Variants in METTL25 observed in about 807,000 individuals in gnomAD.
The protein encoded by METTL25 is probable methyltransferase-like protein 25.
METTL25 carries 64 observed loss-of-function variants against 71.6 expected under a neutral mutation model. The observed-to-expected ratio is 0.89, with a 90% confidence interval of 0.73 to 1.10. The LOEUF is 1.10. Ranked by LOEUF, METTL25 falls within the 50% of genes least tolerant of loss-of-function variation. The pLI, the probability that METTL25 is intolerant of heterozygous loss-of-function variation, is 0.00. For synonymous variants in METTL25, 287 were observed against 250.3 expected, an observed-to-expected ratio of 1.15 and a Z score of -1.38; for missense variants, 807 against 707.0, an observed-to-expected ratio of 1.14 and a Z score of -1.60.
At chr12:82,362,740 T>C (rs1882093506) in intron 1 of METTL25, among the ~76,000 whole-genome samples, 4 of 151,984 alleles carry the variant, frequency 2.6e-5, no homozygotes, top group Admixed American at 2.6e-4. Context: ...GTAAGAAAGG[T>C]GAAGGAAATT....
At chr12:82,435,935 A>G (rs1236318347) in intron 7 of METTL25, among the ~76,000 whole-genome samples, 2 of 151,438 alleles carry the variant, frequency 1.3e-5, no homozygotes, top group African/African-American at 2.4e-5. Context: ...TATAGTATGT[A>G]CTCTTACTAT....
At chr12:82,382,268 T>A (rs1398524568) in intron 1 of METTL25, among the ~76,000 whole-genome samples, 1 of 152,244 alleles carries the variant, frequency 6.6e-6, no homozygotes, top group Non-Finnish European at 1.5e-5. Flanking sequence ...CTTGAAACTC[T>A]GGGCCATGAG....
intron 5 of METTL25, among the ~76,000 whole-genome samples, chr12:82,421,939 C>T (rs1205188882): frequency 3.3e-5 from 5 of 152,074 alleles, no homozygotes; most frequent in African/African-American, 9.7e-5. Context: ...CAGGACCTGA[C>T]GGATTCACAG....
At chr12:82,411,173 A>T (rs1407305005) in intron 5 of METTL25, among the ~76,000 whole-genome samples, 1 of 152,076 alleles carries the variant, frequency 6.6e-6, no homozygotes, top group East Asian at 1.9e-4. Flanking sequence ...CACTGAAGCT[A>T]CTAAGGGTAT....
At position 82,394,272 on chromosome 12, in the gene METTL25, A is replaced by G. The variant is rs985157231; in HGVS notation, c.531+4350A>G. 2.6e-5 allele frequency among the ~76,000 whole-genome samples: 4 copies of G among 152,090 alleles called. No individual in the cohort carries two copies. The South Asian group carries it at 6.2e-4, about 24-fold the overall frequency. ...ACTTTCTGTTTGGATGATCTGTCCA[A>G]TACTGAATGGGACTGTTGAAGTCCC... On this transcript the variant is annotated intron_variant, in intron 3 of 11. Transcript: ENST00000248306.
chr12:82,366,036 T>C (rs1386059015), intron 1 of METTL25, among the ~76,000 whole-genome samples: 1 of 152,054 alleles, frequency 6.6e-6, no homozygotes. Flanking sequence ...GAGCCGAGAC[T>C]GCGCCACTGC....
intron 8 of METTL25, among the ~76,000 whole-genome samples, chr12:82,440,516 T>A (rs1399635713): frequency 6.6e-6 from 1 of 152,042 alleles, no homozygotes; most frequent in Non-Finnish European, 1.5e-5. Flanking sequence ...TGATTCTACT[T>A]TTATCATCAG....
At chr12:82,414,673 A>C (rs1887818246) in intron 5 of METTL25, among the ~76,000 whole-genome samples, 1 of 152,156 alleles carries the variant, frequency 6.6e-6, no homozygotes, top group Non-Finnish European at 1.5e-5. Flanking sequence ...GTAATATGAA[A>C]GCAAAGTTGA....
At chr12:82,465,604 A>G (rs1892178469) in intron 9 of METTL25, among the ~76,000 whole-genome samples, 1 of 151,874 alleles carries the variant, frequency 6.6e-6, no homozygotes. Flanking sequence ...TTTCAGCGTT[A>G]TGCTGACCTC....
chr12:82,466,976 C>T (rs895546233), intron 9 of METTL25, among the ~76,000 whole-genome samples: 1 of 151,640 alleles, frequency 6.6e-6, no homozygotes, highest in Non-Finnish European at 1.5e-5. Flanking sequence ...TCTGGAGAGC[C>T]ATGGCATGAT....
intron 5 of METTL25, among the ~76,000 whole-genome samples, chr12:82,406,134 G>C (rs1413929490): frequency 2.0e-5 from 3 of 152,248 alleles, no homozygotes; most frequent in African/African-American, 7.2e-5. Context: ...CATCATCAGT[G>C]CCAACTGTGT....
rs556220365 is a variant in METTL25, at chr12:82,399,104, T to A, written c.841T>A (p.Phe281Ile). The stretch of plus-strand genomic sequence containing the variant: ...GCCTACCTCAGCTATTTTGCCTGAT[T>A]TTTCTGGCTCTGTAATTTCTAATAT... Reference protein sequence around the residue: ...KMPTSAILPDFSGSVISNIRN... With the variant: ...KMPTSAILPDISGSVISNIRN... Residue 281 changes from phenylalanine to isoleucine, a missense_variant, in exon 4 of 12, where the codon TTT (phenylalanine) becomes ATT (isoleucine). Transcript: ENST00000248306. 8 of 1,613,796 alleles carry A rather than the reference T, an allele frequency of 5.0e-6. No individual in the cohort carries two copies. The highest frequency in any genetic ancestry group is 2.2e-5 in the East Asian group (1 of 44,794).
intron 1 of METTL25, among the ~76,000 whole-genome samples, chr12:82,374,615 C>G (rs150238701): frequency 6.6e-6 from 1 of 152,314 alleles, no homozygotes; most frequent in Admixed American, 6.5e-5. Context: ...AGTCCCCACC[C>G]GACCCAGAAG....
In METTL25 at chr12:82,387,234, A is replaced by G. The variant is rs559594966; in HGVS notation, c.424+267A>G. Among the ~76,000 whole-genome samples the G allele has an allele frequency of 2.0e-5, 3 of 152,172 alleles. No homozygotes were observed. The East Asian group carries it at 5.8e-4, about 29-fold the overall frequency. On this transcript the variant is annotated intron_variant, in intron 2 of 11. Coordinates refer to ENST00000248306, the MANE Select transcript of METTL25 (RefSeq NM_032230.3). ...CAGATAGTTCCTGCCCCTCAAACAC[A>G]GATCACAGTGAGCTACTACAAATTC...
chr12:82,446,561 T>C (rs1316466615), intron 8 of METTL25, among the ~76,000 whole-genome samples: 4 of 151,676 alleles, frequency 2.6e-5, no homozygotes, highest in African/African-American at 9.7e-5. Flanking sequence ...AACATGACCC[T>C]GAATGACCAA....
At chr12:82,448,549 C>G (rs1324662632) in intron 8 of METTL25, among the ~76,000 whole-genome samples, 2 of 151,926 alleles carry the variant, frequency 1.3e-5, no homozygotes, top group African/African-American at 4.8e-5. Flanking sequence ...CTTTATTATT[C>G]TCTTGCATAA....
At chr12:82,439,251 A>G (rs943017932) in intron 8 of METTL25, among the ~76,000 whole-genome samples, 2 of 151,716 alleles carry the variant, frequency 1.3e-5, no homozygotes, top group African/African-American at 2.4e-5. Flanking sequence ...TGCTAGTAGA[A>G]TACTAGCACT....
intron 5 of METTL25, among the ~76,000 whole-genome samples, chr12:82,419,671 T>C (rs147924408): frequency 0.011 from 1,469 of 137,062 alleles, 23 homozygotes; most frequent in African/African-American, 0.037. Flanking sequence ...TGTCACCTCA[T>C]ACCTGTTAAA....
intron 1 of METTL25, among the ~76,000 whole-genome samples, chr12:82,380,743 C>A (rs1327724922): frequency 3.9e-5 from 6 of 152,150 alleles, no homozygotes; most frequent in Admixed American, 3.9e-4. Context: ...AATAAAAATT[C>A]TTGTCTTCTT....
Sources: gnomAD v4.1 joint callset for allele counts (sites outside exome capture counted in the v4.1 genomes callset) on GRCh38, gnomAD v4.1.1 for gene constraint, MANE v1.5 for transcripts, NCBI Gene and HGNC (gene_info 2026-07-23, HGNC 2026-07-21) for gene names.